SNAP47: variants seen among roughly 807,000 people sequenced by gnomAD.
SNAP47 encodes the protein synaptosomal-associated protein 47.
Under a neutral mutation model 31.4 loss-of-function variants are expected in SNAP47, and 20 were observed. That is an observed-to-expected ratio of 0.64 (90% CI 0.45 to 0.93). SNAP47 has a LOEUF of 0.93. Among genes scored for constraint, SNAP47 ranks in the 40% least tolerant of loss-of-function variants. The pLI, the probability that SNAP47 is intolerant of heterozygous loss-of-function variation, is 0.00. For synonymous variants in SNAP47, 194 were observed against 213.4 expected (o/e 0.91, Z 0.79); for missense variants, 492 against 528.5 (o/e 0.93, Z 0.68).
intron 3 of SNAP47, among the ~76,000 whole-genome samples, chr1:227,764,970 G>A (rs1327478201): frequency 3.3e-5 from 5 of 152,238 alleles, no homozygotes; most frequent in Admixed American, 6.5e-5. Context: ...AGCTACTCGG[G>A]AGGCTGAAGC....
rs1436157203 is a variant in SNAP47, at chr1:227,771,560, CAG to C, written c.1113+4478_1113+4479del. ...TGGCAGCTGAGTGGAGGCGGCATCA[CAG>C]GGGAACACCACGCCTTCCCTTTTAA... is the stretch of plus-strand genomic sequence containing the variant. On this transcript the variant is annotated intron_variant, in intron 4 of 4. Transcript: ENST00000617596. Among the ~76,000 whole-genome samples the C allele has an allele frequency of 2.6e-5, 4 of 152,172 alleles. No individual in the cohort carries two copies. The East Asian group carries it at 7.7e-4, about 29-fold the overall frequency.
chr1:227,774,577 G>A (rs539819773), intron 4 of SNAP47, among the ~76,000 whole-genome samples: 5 of 152,246 alleles, frequency 3.3e-5, no homozygotes, highest in South Asian at 2.1e-4. Context: ...GAGGCAAGGG[G>A]GACCGGGCCG....
upstream of SNAP47, chr1:227,734,685 C>T: frequency 1.2e-6 from 2 of 1,614,142 alleles, no homozygotes; most frequent in East Asian, 2.2e-5. Flanking sequence ...TAGAGACAGC[C>T]CCTGGGAGAG....
upstream of SNAP47, chr1:227,733,101 A>C: frequency 6.5e-7 from 1 of 1,527,958 alleles, no homozygotes; most frequent in Non-Finnish European, 9.0e-7. Context: ...CTCCTGCGCC[A>C]GGAACCCACT....
At chr1:227,734,552 G>T, upstream of SNAP47, 1 of 1,108,446 alleles carries the variant, frequency 9.0e-7, no homozygotes, top group Non-Finnish European at 1.3e-6. Flanking sequence ...GGGAAAAATA[G>T]CTCCGTTGTG....
At chr1:227,771,234 T>C (rs933772226) in intron 4 of SNAP47, among the ~76,000 whole-genome samples, 7 of 152,190 alleles carry the variant, frequency 4.6e-5, no homozygotes, top group Admixed American at 1.3e-4. Flanking sequence ...TTTGGGGGGC[T>C]GTGAGGTTTT....
chr1:227,776,483 A>G (rs900583727), intron 4 of SNAP47: 14 of 985,644 alleles, frequency 1.4e-5, no homozygotes, highest in African/African-American at 1.7e-5. Context: ...CTCAGAGCCC[A>G]TGAAGGTTCC....
intron 2 of SNAP47, among the ~76,000 whole-genome samples, chr1:227,753,731 C>T (rs1466806025): frequency 6.6e-6 from 1 of 152,052 alleles, no homozygotes; most frequent in Non-Finnish European, 1.5e-5. Flanking sequence ...GAAAGGTTCC[C>T]TTGTCCCCCT....
In SNAP47 at chr1:227,738,774, G is replaced by A. The variant is rs144023865; in HGVS notation, c.-46+3275G>A. Among the ~76,000 whole-genome samples the A allele has an allele frequency of 3.7e-4, 56 of 152,268 alleles. 2 individuals carry two copies. The highest frequency in any genetic ancestry group is 6.5e-4 in the Admixed American group (10 of 15,294). On this transcript the variant is annotated intron_variant, in intron 1 of 4. Transcript: ENST00000617596. ...TCTCAAGATCTTGGAATATGGTTCC[G>A]AGTTTGCCTCATGGGGAAACTGAAA...
At chr1:227,767,808 C>T (rs576434110) in intron 4 of SNAP47, among the ~76,000 whole-genome samples, 12 of 152,278 alleles carry the variant, frequency 7.9e-5, no homozygotes, top group South Asian at 2.1e-4. Context: ...CTGTGTGTTG[C>T]GTGTTCTGTG....
In SNAP47 at chr1:227,762,432, T is replaced by G. The variant is rs1663121315; in HGVS notation, c.988+2947T>G. ...ACTTGTGGCTCTGAGGCCTTGCCTCTGCCTGCCGCCTGCTGCTGTTGTCCA... is the reference window on the plus strand; with the variant it reads ...ACTTGTGGCTCTGAGGCCTTGCCTCGGCCTGCCGCCTGCTGCTGTTGTCCA... On this transcript the variant is annotated intron_variant, in intron 3 of 4. Transcript: ENST00000617596. The surrounding 1 kb of genome is among the most constrained non-coding windows in gnomAD (Gnocchi z 4.2). Among the ~76,000 whole-genome samples the G allele has an allele frequency of 6.6e-6, 1 of 152,222 alleles. No individual in the cohort carries two copies. The highest frequency in any genetic ancestry group is 1.5e-5 in the Non-Finnish European group (1 of 68,028).
At chr1:227,780,021 A>C (rs1367583010) in intron 4 of SNAP47, among the ~76,000 whole-genome samples, 1 of 152,158 alleles carries the variant, frequency 6.6e-6, no homozygotes, top group Non-Finnish European at 1.5e-5. Flanking sequence ...ACTTAGAGAC[A>C]AGAGAAGGGG....
chr1:227,742,585 CCAA>C, intron 1 of SNAP47, among the ~76,000 whole-genome samples: 1 of 152,232 alleles, frequency 6.6e-6, no homozygotes, highest in Non-Finnish European at 1.5e-5. Context: ...GAAATACCTC[CCAA>C]CCATGCCTGC....
intron 4 of SNAP47, among the ~76,000 whole-genome samples, chr1:227,773,561 C>G (rs1027792012): frequency 6.6e-6 from 1 of 152,242 alleles, no homozygotes; most frequent in Non-Finnish European, 1.5e-5. Context: ...TAAGCCTTCA[C>G]GCTCACTCAC....
At chr1:227,765,887 G>C (rs963207396) in intron 3 of SNAP47, among the ~76,000 whole-genome samples, 1 of 152,178 alleles carries the variant, frequency 6.6e-6, no homozygotes, top group Non-Finnish European at 1.5e-5. Flanking sequence ...ATCATTTGGG[G>C]GTTGATAGGC....
intron 3 of SNAP47, among the ~76,000 whole-genome samples, chr1:227,764,443 G>A (rs1041165127): frequency 1.5e-4 from 23 of 152,316 alleles, no homozygotes; most frequent in African/African-American, 4.6e-4. Flanking sequence ...AAGCCATGTC[G>A]TAGGTAGGGA....
intron 4 of SNAP47, 145 bp downstream of exon 4, chr1:227,767,228 C>G: frequency 8.0e-7 from 1 of 1,253,926 alleles, no homozygotes; most frequent in Non-Finnish European, 1.1e-6. Context: ...GGCCTCCACT[C>G]GGCAGCTGCA....
chr1:227,774,689 G>A (rs985619235), intron 4 of SNAP47, among the ~76,000 whole-genome samples: 4 of 152,274 alleles, frequency 2.6e-5, no homozygotes. Flanking sequence ...GGTTTTGTGG[G>A]GCTGTGGCCA....
chr1:227,738,017 T>C (rs1558188474), intron 1 of SNAP47, among the ~76,000 whole-genome samples: 1 of 151,868 alleles, frequency 6.6e-6, no homozygotes, highest in Non-Finnish European at 1.5e-5. Flanking sequence ...TTTTTTTTGG[T>C]TTTTTTGTTT....
Sources: allele counts gnomAD v4.1 joint callset (sites outside exome capture counted in the v4.1 genomes callset), GRCh38; gene constraint gnomAD v4.1.1; non-coding constraint Gnocchi (gnomAD v3.1); transcripts MANE v1.5; gene names NCBI Gene and HGNC (gene_info 2026-07-23, HGNC 2026-07-21).